Variants in AGMO observed in about 807,000 individuals in gnomAD.
The protein encoded by AGMO is glyceryl-ether monooxygenase.
AGMO carries 75 observed loss-of-function variants against 60.2 expected under a neutral mutation model. The observed-to-expected ratio is 1.25, with a 90% CI of 1.03 to 1.51. The LOEUF (loss-of-function observed/expected upper bound fraction) is 1.51, where lower values mean the gene tolerates loss of function less well. Ranked by LOEUF, AGMO falls within the 40% of genes most tolerant of loss-of-function variation. The pLI, the probability that AGMO is intolerant of heterozygous loss-of-function variation, is 0.00. For missense variants in AGMO, 763 were observed against 525.5 expected (o/e 1.45, Z -4.42); for synonymous variants, 261 against 177.1 (o/e 1.47, Z -3.76).
At chr7:15,306,656 T>A (rs1408843535) in intron 12 of AGMO, 2 of 356,284 alleles carry the variant, frequency 5.6e-6, no homozygotes, top group Non-Finnish European at 1.1e-5. Flanking sequence ...TTAAGGATTG[T>A]TAATGCTTCA....
chr7:15,408,103 A>G (rs2128491660), intron 5 of AGMO, among the ~76,000 whole-genome samples: 1 of 152,008 alleles, frequency 6.6e-6, no homozygotes, highest in Middle Eastern at 3.4e-3. Flanking sequence ...TATCACAGAG[A>G]GAACATGTGC....
rs960683808 is a variant in AGMO at position 15,302,824 on chromosome 7, T to C, written c.1263+62690A>G. On this transcript the variant is annotated intron_variant, in intron 12 of 12. Transcript: ENST00000342526. ...TAAGTCATGGAGCAGTCAACTAGAG[T>C]TAAGCTTCATAAAGATAGGACTGAA... Among the ~76,000 whole-genome samples the C allele has an allele frequency of 3.3e-5, 5 of 152,120 alleles. No individual in the cohort carries two copies. The South Asian group carries it at 8.3e-4, about 25-fold the overall frequency.
the AGMO span, among the ~76,000 whole-genome samples, chr7:15,166,550 G>T: frequency 6.6e-6 from 1 of 152,106 alleles, no homozygotes; most frequent in Non-Finnish European, 1.5e-5. Context: ...AAACAGAGTA[G>T]GAACAGGATC....
intron 12 of AGMO, among the ~76,000 whole-genome samples, chr7:15,288,226 G>A (rs1237198604): frequency 6.6e-6 from 1 of 151,894 alleles, no homozygotes; most frequent in Non-Finnish European, 1.5e-5. Context: ...TAGAGACGGA[G>A]TTTCACCGTG....
Position 15,460,834 on chromosome 7 carries a change from T to C in AGMO, c.410-29726A>G, listed in dbSNP as rs187957046. ...AGACAAAAAGAAGCAATCAATAACT[T>C]TTAAATTGGAAAGTAATCTGAATTC... is the stretch of plus-strand genomic sequence containing the variant. On this transcript the variant is annotated intron_variant, in intron 3 of 12. Transcript: ENST00000342526. Among the ~76,000 whole-genome samples, 4 of 152,212 alleles carry C rather than the reference T, an allele frequency of 2.6e-5. No individual in the cohort carries two copies. The East Asian group carries it at 7.7e-4, about 29-fold the overall frequency.
At chr7:15,258,001 G>A (rs1783150373) in intron 12 of AGMO, among the ~76,000 whole-genome samples, 1 of 152,108 alleles carries the variant, frequency 6.6e-6, no homozygotes, top group Non-Finnish European at 1.5e-5. Flanking sequence ...AGCATAGTAT[G>A]AAAACTCAGA....
chr7:15,447,403 G>A (rs957807928), intron 3 of AGMO, among the ~76,000 whole-genome samples: 4 of 152,260 alleles, frequency 2.6e-5, no homozygotes, highest in South Asian at 2.1e-4. Context: ...TAAGTAAAAT[G>A]AAAGGAATTC....
chr7:15,185,988 G>A, the AGMO span, among the ~76,000 whole-genome samples: 3 of 152,100 alleles, frequency 2.0e-5, no homozygotes, highest in African/African-American at 7.2e-5. Flanking sequence ...TATTTTGTGG[G>A]CAAGATGTCT....
At chr7:15,217,555 G>A (rs890695916) in intron 12 of AGMO, among the ~76,000 whole-genome samples, 1 of 151,834 alleles carries the variant, frequency 6.6e-6, no homozygotes, top group East Asian at 1.9e-4. Context: ...AAACAAATAA[G>A]GGACTAAAAA....
chr7:15,196,131 C>T (rs1179915256), downstream of AGMO, among the ~76,000 whole-genome samples: 1 of 150,744 alleles, frequency 6.6e-6, no homozygotes, highest in Non-Finnish European at 1.5e-5. Context: ...CAACCTCTGC[C>T]TCCCGGGTTC....
At chr7:15,296,689 G>C (rs1784417622) in intron 12 of AGMO, among the ~76,000 whole-genome samples, 1 of 152,134 alleles carries the variant, frequency 6.6e-6, no homozygotes, top group Admixed American at 6.6e-5. Flanking sequence ...AACTAGTGGA[G>C]ATACTTAACA....
chr7:15,280,141 G>T (rs1583358291), intron 12 of AGMO, among the ~76,000 whole-genome samples: 1 of 152,310 alleles, frequency 6.6e-6, no homozygotes, highest in East Asian at 1.9e-4. Flanking sequence ...CAGGTGGACT[G>T]GGAGGGGAAT....
the AGMO span, among the ~76,000 whole-genome samples, chr7:15,189,018 G>C: frequency 6.6e-6 from 1 of 152,166 alleles, no homozygotes; most frequent in Non-Finnish European, 1.5e-5. Flanking sequence ...TGGCTAGCTG[G>C]AAGTAGAAGT....
intron 3 of AGMO, among the ~76,000 whole-genome samples, chr7:15,433,135 A>G (rs1379421015): frequency 6.6e-6 from 1 of 152,084 alleles, no homozygotes; most frequent in African/African-American, 2.4e-5. Context: ...TAAAAAATTC[A>G]TTCTAATGCA....
At chr7:15,240,526 G>C (rs1782558604) in intron 12 of AGMO, among the ~76,000 whole-genome samples, 1 of 152,112 alleles carries the variant, frequency 6.6e-6, no homozygotes, top group African/African-American at 2.4e-5. Flanking sequence ...CAGAGATAAA[G>C]ACTGATCTTT....
intron 5 of AGMO, among the ~76,000 whole-genome samples, chr7:15,401,732 G>C (rs1307016986): frequency 6.6e-6 from 1 of 152,124 alleles, no homozygotes; most frequent in Non-Finnish European, 1.5e-5. Flanking sequence ...ATTCTTGTCT[G>C]AGAGGGAAAA....
chr7:15,119,186 G>A, the AGMO span, among the ~76,000 whole-genome samples: 1 of 151,692 alleles, frequency 6.6e-6, no homozygotes, highest in South Asian at 2.1e-4. Flanking sequence ...CCCAATGCTG[G>A]TCGTGGGCCC....
At chr7:15,136,230 T>C in the AGMO span, among the ~76,000 whole-genome samples, 1 of 152,044 alleles carries the variant, frequency 6.6e-6, no homozygotes, top group South Asian at 2.1e-4. Context: ...TGACCTCAGG[T>C]GATCTGCTTG....
intron 3 of AGMO, among the ~76,000 whole-genome samples, chr7:15,541,799 C>T (rs1784637821): frequency 1.3e-5 from 2 of 152,102 alleles, no homozygotes; most frequent in African/African-American, 2.4e-5. Flanking sequence ...AATTTAAATA[C>T]ATGTAAAGAC....
Sources: allele counts gnomAD v4.1 joint callset (sites outside exome capture counted in the v4.1 genomes callset), GRCh38; gene constraint gnomAD v4.1.1; transcripts MANE v1.5; gene names NCBI Gene and HGNC (gene_info 2026-07-23, HGNC 2026-07-21).